ABTB3: variants seen among roughly 807,000 people sequenced by gnomAD.
ABTB3 encodes the protein ankyrin repeat and BTB domain containing 3.
chr12:107,500,920 T>C, the ABTB3 span, among the ~76,000 whole-genome samples: 24 of 152,334 alleles, frequency 1.6e-4, 1 homozygote, highest in Middle Eastern at 3.4e-3. Context: ...ACATGCCTTA[T>C]GAGACCTTTC....
the ABTB3 span, among the ~76,000 whole-genome samples, chr12:107,578,007 T>TAA: frequency 4.3e-3 from 640 of 147,272 alleles, 5 homozygotes; most frequent in African/African-American, 0.015. Context: ...ATTGTTCTCT[T>TAA]AAAAAAAAAA....
At chr12:107,504,737 C>G in the ABTB3 span, among the ~76,000 whole-genome samples, 1 of 152,204 alleles carries the variant, frequency 6.6e-6, no homozygotes, top group African/African-American at 2.4e-5. Context: ...CCAGTCTCCA[C>G]TATAGAGGGT....
chr12:107,658,645 A>C, the ABTB3 span: 1 of 152,372 alleles, frequency 6.6e-6, no homozygotes. Flanking sequence ...TCTAGCTAAA[A>C]CTCCATTTGG....
At chr12:107,558,316 C>T in the ABTB3 span, among the ~76,000 whole-genome samples, 3 of 152,222 alleles carry the variant, frequency 2.0e-5, no homozygotes. Context: ...GCCTCAAGTG[C>T]TCCCAAAGCC....
chr12:107,417,781 A>G, the ABTB3 span, among the ~76,000 whole-genome samples: 1 of 152,142 alleles, frequency 6.6e-6, no homozygotes, highest in Non-Finnish European at 1.5e-5. Context: ...GCTGAGTCCC[A>G]CGCCCCCTCT....
chr12:107,617,354 G>A, the ABTB3 span: 1 of 1,614,144 alleles, frequency 6.2e-7, no homozygotes, highest in Non-Finnish European at 8.5e-7. Flanking sequence ...TCCCCTGATA[G>A]GAACCATGTA....
At chr12:107,320,194 A>G in the ABTB3 span, 2 of 1,315,224 alleles carry the variant, frequency 1.5e-6, no homozygotes, top group Non-Finnish European at 2.0e-6. Context: ...CAAGCCGCTG[A>G]GGAGGCGGCC....
the ABTB3 span, among the ~76,000 whole-genome samples, chr12:107,496,138 G>A: frequency 6.6e-6 from 1 of 152,164 alleles, no homozygotes; most frequent in Admixed American, 6.5e-5. Flanking sequence ...GGTTTAGAAA[G>A]CTTTCAAGAC....
At chr12:107,581,105 C>CCG in the ABTB3 span, 1 of 1,545,234 alleles carries the variant, frequency 6.5e-7, no homozygotes, top group Non-Finnish European at 8.7e-7. Flanking sequence ...GCCCCTGCCT[C>CCG]CGGGGAGGCC....
chr12:107,612,657 T>G, the ABTB3 span: 1 of 1,000,192 alleles, frequency 1.0e-6, no homozygotes, highest in Non-Finnish European at 1.5e-6. Flanking sequence ...CACGTTTATT[T>G]TTGTCATGCC....
the ABTB3 span, among the ~76,000 whole-genome samples, chr12:107,362,252 G>A: frequency 6.6e-6 from 1 of 152,176 alleles, no homozygotes; most frequent in Non-Finnish European, 1.5e-5. Context: ...CCTCAACCTG[G>A]AACTATGGTA....
chr12:107,630,963 A>C, the ABTB3 span, among the ~76,000 whole-genome samples: 2 of 152,116 alleles, frequency 1.3e-5, no homozygotes, highest in African/African-American at 4.8e-5. Flanking sequence ...TTTTTGTTTT[A>C]GATTCACAGG....
the ABTB3 span, among the ~76,000 whole-genome samples, chr12:107,372,516 A>G: frequency 0.083 from 12,606 of 152,214 alleles, 593 homozygotes; most frequent in Middle Eastern, 0.14. Flanking sequence ...GTCCTCAAGA[A>G]GTGTATTACC....
chr12:107,538,755 C>T, the ABTB3 span, among the ~76,000 whole-genome samples: 1 of 152,190 alleles, frequency 6.6e-6, no homozygotes, highest in Non-Finnish European at 1.5e-5. Context: ...ATGGGGTAGA[C>T]TCTGAGAACC....
chr12:107,522,350 T>C, the ABTB3 span, among the ~76,000 whole-genome samples: 15,058 of 152,208 alleles, frequency 0.099, 821 homozygotes, highest in South Asian at 0.15. Context: ...ATATACTCTA[T>C]ATTTTTGTTT....
the ABTB3 span, among the ~76,000 whole-genome samples, chr12:107,529,743 G>A: frequency 6.6e-6 from 1 of 152,064 alleles, no homozygotes; most frequent in Non-Finnish European, 1.5e-5. Context: ...CTCACTTAAG[G>A]TCACTCATCT....
At chr12:107,352,388 A>C in the ABTB3 span, among the ~76,000 whole-genome samples, 1 of 152,030 alleles carries the variant, frequency 6.6e-6, no homozygotes, top group African/African-American at 2.4e-5. Flanking sequence ...GTGGGGAGGG[A>C]ATAGTCTGGA....
chr12:107,560,421 TTGC>T, the ABTB3 span, among the ~76,000 whole-genome samples: 1 of 152,064 alleles, frequency 6.6e-6, no homozygotes, highest in Non-Finnish European at 1.5e-5. Context: ...ATCCCAGCTG[TTGC>T]TTTTTTTCCA....
the ABTB3 span, among the ~76,000 whole-genome samples, chr12:107,404,820 T>C: frequency 6.6e-6 from 1 of 152,184 alleles, no homozygotes; most frequent in Non-Finnish European, 1.5e-5. Flanking sequence ...CAGGCCTTAC[T>C]CATCATAGTA....
Sources: allele counts gnomAD v4.1 joint callset (sites outside exome capture counted in the v4.1 genomes callset), GRCh38; gene constraint gnomAD v4.1.1; transcripts MANE v1.5; gene names NCBI Gene and HGNC (gene_info 2026-07-23, HGNC 2026-07-21).